The following LRRFIP2 variants were observed in gnomAD, a reference collection of about 807,000 sequenced individuals.
The protein encoded by LRRFIP2 is leucine-rich repeat flightless-interacting protein 2.
LRRFIP2 carries 109 observed loss-of-function variants against 125.9 expected under a neutral mutation model. The observed-to-expected ratio is 0.87, with a 90% CI of 0.74 to 1.01. LRRFIP2 has a LOEUF of 1.01. Among genes scored for constraint, LRRFIP2 ranks in the 50% least tolerant of loss-of-function variants. The probability of loss-of-function intolerance (pLI) is 0.00; values close to 1 mark genes in which losing one functional copy is unlikely to be tolerated. For synonymous variants in LRRFIP2, 291 were observed against 293.1 expected (o/e 0.99, Z 0.07); for missense variants, 850 against 862.3 (o/e 0.99, Z 0.18).
intron 13 of LRRFIP2, among the ~76,000 whole-genome samples, chr3:37,106,002 T>G (rs1054416171): frequency 1.3e-5 from 2 of 151,638 alleles, no homozygotes; most frequent in African/African-American, 4.8e-5. Flanking sequence ...GAGGCGGAGG[T>G]TGCAGTGAGC....
rs113455425 is a variant in LRRFIP2 at position 37,084,973 on chromosome 3, C to T, written c.1108-1167G>A. ...ACAGCCCAGAACTTACATTTACAAT[C>T]AGTTAATTTGGACAAAGGGGTCCAT... is the stretch of plus-strand genomic sequence containing the variant. On this transcript the variant is annotated intron_variant, in intron 18 of 27. Transcript: ENST00000336686. 5.3e-5 allele frequency among the ~76,000 whole-genome samples: 8 copies of T among 152,242 alleles called. 1 individual carries two copies. The highest frequency in any genetic ancestry group is 1.7e-4 in the African/African-American group (7 of 41,554).
chr3:37,113,417 C>A (rs1192697717), intron 7 of LRRFIP2, among the ~76,000 whole-genome samples: 2 of 152,166 alleles, frequency 1.3e-5, no homozygotes, highest in Non-Finnish European at 2.9e-5. Flanking sequence ...CTGCCACAGT[C>A]TCCTGAGTAG....
chr3:37,055,022 G>A, intron 26 of LRRFIP2, 64 bp downstream of exon 26: 1 of 1,077,438 alleles, frequency 9.3e-7, no homozygotes, highest in Non-Finnish European at 1.4e-6. Context: ...GCACTCATGG[G>A]TTGTTAGCCA....
chr3:37,161,393 C>T (rs2096341129), intron 1 of LRRFIP2, among the ~76,000 whole-genome samples: 1 of 151,912 alleles, frequency 6.6e-6, no homozygotes, highest in Non-Finnish European at 1.5e-5. Flanking sequence ...AGTATTGACT[C>T]GTGCTACATA....
chr3:37,115,174 T>A, intron 6 of LRRFIP2, 79 bp from the exon 7 acceptor site: 1 of 1,001,630 alleles, frequency 1.0e-6, no homozygotes. Flanking sequence ...ATATTTGAGG[T>A]TATTTTAAAA....
intron 9 of LRRFIP2, 138 bp downstream of exon 9, chr3:37,110,853 T>C: frequency 3.1e-6 from 2 of 654,896 alleles, no homozygotes; most frequent in Non-Finnish European, 5.3e-6. Flanking sequence ...CCACAGACTA[T>C]ATAAATTCAG....
chr3:37,106,336 A>T (rs1320328582), intron 13 of LRRFIP2, among the ~76,000 whole-genome samples: 2 of 152,234 alleles, frequency 1.3e-5, no homozygotes, highest in Non-Finnish European at 2.9e-5. Flanking sequence ...ACATCACCCT[A>T]CATGGCTCTG....
chr3:37,139,473 G>C (rs906557425), intron 2 of LRRFIP2, among the ~76,000 whole-genome samples: 4 of 152,074 alleles, frequency 2.6e-5, no homozygotes, highest in Admixed American at 1.3e-4. Flanking sequence ...TTCCCCTCCT[G>C]TGCCAATGTT....
At chr3:37,068,742 T>C (rs1402720799) in intron 21 of LRRFIP2, 1 of 152,162 alleles carries the variant, frequency 6.6e-6, no homozygotes, top group African/African-American at 2.4e-5. Flanking sequence ...AGGATGTGTA[T>C]AATGGGCTGA....
upstream of LRRFIP2, chr3:37,174,587 T>C (rs576976821): frequency 1.3e-5 from 2 of 152,214 alleles, no homozygotes; most frequent in East Asian, 3.9e-4. Context: ...TCTAGACCCC[T>C]TCATTTATCT....
chr3:37,144,443 A>T (rs1398347334), intron 2 of LRRFIP2, among the ~76,000 whole-genome samples: 1 of 152,166 alleles, frequency 6.6e-6, no homozygotes, highest in Non-Finnish European at 1.5e-5. Context: ...TTCTGTATTT[A>T]ATGTTTTTCA....
At chr3:37,156,911 C>G (rs1207897444) in intron 1 of LRRFIP2, among the ~76,000 whole-genome samples, 1 of 152,042 alleles carries the variant, frequency 6.6e-6, no homozygotes, top group Non-Finnish European at 1.5e-5. Context: ...AGGCGCATCA[C>G]CTGAGGTTGG....
At chr3:37,148,111 AAT>A (rs2095905726) in intron 2 of LRRFIP2, among the ~76,000 whole-genome samples, 1 of 152,220 alleles carries the variant, frequency 6.6e-6, no homozygotes, top group Non-Finnish European at 1.5e-5. Context: ...GTATTTCTAT[AAT>A]ATAGTCATCA....
chr3:37,090,619 T>C (rs2093374769), intron 18 of LRRFIP2, among the ~76,000 whole-genome samples: 1 of 152,292 alleles, frequency 6.6e-6, no homozygotes, highest in South Asian at 2.1e-4. Context: ...AACTTCAGAA[T>C]GACATGTGAG....
chr3:37,138,587 G>A (rs995360178), intron 2 of LRRFIP2, among the ~76,000 whole-genome samples: 10 of 152,072 alleles, frequency 6.6e-5, no homozygotes, highest in African/African-American at 2.4e-4. Flanking sequence ...AAGTCCCCCC[G>A]GAGATGCCTG....
intron 2 of LRRFIP2, among the ~76,000 whole-genome samples, chr3:37,129,648 T>C (rs2095375221): frequency 6.6e-6 from 1 of 152,198 alleles, no homozygotes; most frequent in Non-Finnish European, 1.5e-5. Context: ...TCCCCACCTC[T>C]GTTTTAAAAT....
intron 2 of LRRFIP2, chr3:37,144,015 A>G (rs969723236): frequency 6.6e-6 from 1 of 152,396 alleles, no homozygotes; most frequent in African/African-American, 2.4e-5. Context: ...CGAGACTGTC[A>G]TCGCACTTCA....
intron 2 of LRRFIP2, among the ~76,000 whole-genome samples, chr3:37,133,717 T>C (rs1446476804): frequency 1.3e-5 from 2 of 152,132 alleles, no homozygotes; most frequent in Non-Finnish European, 2.9e-5. Flanking sequence ...TTAAGGATAG[T>C]GGTGATGGCT....
intron 1 of LRRFIP2, among the ~76,000 whole-genome samples, chr3:37,164,987 G>A (rs1032556929): frequency 6.6e-6 from 1 of 152,120 alleles, no homozygotes; most frequent in African/African-American, 2.4e-5. Flanking sequence ...TGTAATCCCA[G>A]CACTTTGGGA....
Sources: gnomAD v4.1 joint callset for allele counts (sites outside exome capture counted in the v4.1 genomes callset) on GRCh38, gnomAD v4.1.1 for gene constraint, MANE v1.5 for transcripts, NCBI Gene and HGNC (gene_info 2026-07-23, HGNC 2026-07-21) for gene names.